The following OOSP4A variants were observed in gnomAD, a reference collection of about 807,000 sequenced individuals.
OOSP4A encodes the protein oocyte-secreted protein 4A.
At chr11:59,967,116 C>G (rs11230109) in exon 3 of OOSP4A, 1 of 398,136 alleles carries the variant, frequency 2.5e-6, no homozygotes, top group Non-Finnish European at 4.4e-6. Context: ...TATGAACCAA[C>G]GAATTTTGAC....
At position 59,967,658 on chromosome 11, in the gene OOSP4A, T is replaced by C. The variant is rs1373791679; in HGVS notation, c.344+494T>C. 2.0e-5 allele frequency among the ~76,000 whole-genome samples: 3 copies of C among 151,294 alleles called. No individual in the cohort carries two copies. The East Asian group carries it at 5.8e-4, about 29-fold the overall frequency. On this transcript the variant is annotated intron_variant, in intron 3 of 4. Transcript: ENST00000645590. ...CTGACAAATTTTTGTATTTTATATATATATCTAATTTTTTTTATATATATA... is the reference window on the plus strand; with the variant it reads ...CTGACAAATTTTTGTATTTTATATACATATCTAATTTTTTTTATATATATA...
intron 4 of OOSP4A, among the ~76,000 whole-genome samples, 187 bp from the exon 5 acceptor site, chr11:59,969,862 G>T (rs1290304227): frequency 6.6e-6 from 1 of 152,104 alleles, no homozygotes; most frequent in African/African-American, 2.4e-5. Context: ...CACATAATAT[G>T]TATGTGTGTA....
At chr11:59,965,461 A>G in intron 1 of OOSP4A, 74 bp from the exon 2 acceptor site, 1 of 397,730 alleles carries the variant, frequency 2.5e-6, no homozygotes, top group Non-Finnish European at 4.4e-6. Flanking sequence ...AAGAGGTTGA[A>G]AGTTTCCTGA....
intron 3 of OOSP4A, 55 bp from the exon 4 acceptor site, chr11:59,969,095 A>G (rs1284178127): frequency 1.3e-5 from 5 of 397,300 alleles, no homozygotes; most frequent in Non-Finnish European, 2.2e-5. Flanking sequence ...CTTTTTCTCC[A>G]CCTCCAAAAG....
chr11:59,970,205 T>C (rs1854140675), downstream of OOSP4A: 2 of 396,514 alleles, frequency 5.0e-6, no homozygotes, highest in South Asian at 2.6e-4. Flanking sequence ...TCACTGGATA[T>C]TGTCTTTTAT....
downstream of OOSP4A, chr11:59,970,160 T>A: frequency 2.5e-6 from 1 of 397,868 alleles, no homozygotes; most frequent in Non-Finnish European, 4.4e-6. Context: ...CTCTGGCTGC[T>A]TGAGGATTTC....
chr11:59,965,992 G>GTTT (rs1008343612), intron 2 of OOSP4A, among the ~76,000 whole-genome samples: 1 of 151,670 alleles, frequency 6.6e-6, no homozygotes, highest in African/African-American at 2.4e-5. Flanking sequence ...TGTTGTTGTT[G>GTTT]TTTTTTAAAA....
At chr11:59,965,129 CG>C (rs1004895165) in intron 1 of OOSP4A, among the ~76,000 whole-genome samples, 10 of 100,082 alleles carry the variant, frequency 1.0e-4, no homozygotes, top group African/African-American at 4.0e-4. Context: ...CATCACACAC[CG>C]GGGCCTGTTG....
chr11:59,967,117 G>C (rs1326835635), exon 3 of OOSP4A: 1 of 398,028 alleles, frequency 2.5e-6, no homozygotes, highest in Non-Finnish European at 4.4e-6. Context: ...ATGAACCAAC[G>C]AATTTTGACT....
intron 1 of OOSP4A, among the ~76,000 whole-genome samples, chr11:59,964,645 T>C (rs1157961624): frequency 6.6e-6 from 1 of 152,168 alleles, no homozygotes; most frequent in Non-Finnish European, 1.5e-5. Context: ...TATGGGATAA[T>C]AATAAAATTG....
intron 1 of OOSP4A, among the ~76,000 whole-genome samples, chr11:59,964,459 G>A (rs996639275): frequency 6.6e-6 from 1 of 152,048 alleles, no homozygotes; most frequent in Non-Finnish European, 1.5e-5. Context: ...AAGAGAGGAG[G>A]TTACCTAGGT....
chr11:59,968,151 C>G (rs1854120457), intron 3 of OOSP4A, among the ~76,000 whole-genome samples: 1 of 152,156 alleles, frequency 6.6e-6, no homozygotes, highest in Non-Finnish European at 1.5e-5. Flanking sequence ...TTTCCCTCTG[C>G]TGCTTTTATC....
At chr11:59,969,189 T>C in exon 4 of OOSP4A, 1 of 398,856 alleles carries the variant, frequency 2.5e-6, no homozygotes, top group Non-Finnish European at 4.4e-6. Flanking sequence ...GGAGAGAGAA[T>C]GATAGCCGTC....
chr11:59,970,295 C>G (rs1166731635), downstream of OOSP4A: 1 of 387,728 alleles, frequency 2.6e-6, no homozygotes, highest in Non-Finnish European at 4.5e-6. Flanking sequence ...GGGAGAAAAG[C>G]CTTCCCTTCC....
intron 1 of OOSP4A, 26 bp downstream of exon 1, chr11:59,964,125 G>T (rs1005177811): frequency 7.6e-6 from 3 of 394,908 alleles, no homozygotes; most frequent in Non-Finnish European, 1.3e-5. Context: ...AATTTTTGGA[G>T]GTGGCAATTT....
At chr11:59,968,570 A>G (rs1014282358) in intron 3 of OOSP4A, among the ~76,000 whole-genome samples, 1 of 152,202 alleles carries the variant, frequency 6.6e-6, no homozygotes, top group African/African-American at 2.4e-5. Context: ...ACTTAGTCAT[A>G]CTACAGTTCA....
chr11:59,970,160 T>C, downstream of OOSP4A: 1 of 397,868 alleles, frequency 2.5e-6, no homozygotes, highest in Non-Finnish European at 4.4e-6. Context: ...CTCTGGCTGC[T>C]TGAGGATTTC....
chr11:59,964,415 G>T (rs947239417), intron 1 of OOSP4A, among the ~76,000 whole-genome samples: 1 of 151,932 alleles, frequency 6.6e-6, no homozygotes, highest in African/African-American at 2.4e-5. Context: ...TACTTACAGT[G>T]ACTGGCAAAA....
rs1426365040 is a variant in OOSP4A at position 59,964,113 on chromosome 11, G to A, written c.67+14G>A. On this transcript the variant is annotated intron_variant, in intron 1 of 4. Coordinates refer to ENST00000645590, the Ensembl canonical transcript of OOSP4A. ...GTCTCCAAGATTGTAAGAAAAAGAGGGAATTTTTGGAGGTGGCAATTTCAA... is the reference window on the plus strand; with the variant it reads ...GTCTCCAAGATTGTAAGAAAAAGAGAGAATTTTTGGAGGTGGCAATTTCAA... 2 of 395,860 alleles carry A rather than the reference G, an allele frequency of 5.1e-6. No homozygotes were observed. Among genetic ancestry groups the A allele is most frequent in the African/African-American group, 2.1e-5 (1 of 48,008 alleles). The allele number at this position is 395,860 out of a possible 1,614,324, so 24.5% of individuals were successfully genotyped here.
Sources: allele counts gnomAD v4.1 joint callset (sites outside exome capture counted in the v4.1 genomes callset), GRCh38; gene constraint gnomAD v4.1.1; transcripts MANE v1.5; gene names NCBI Gene and HGNC (gene_info 2026-07-23, HGNC 2026-07-21).